Variants in ADGRL2 observed in about 807,000 individuals in gnomAD.
ADGRL2 encodes the protein adhesion G protein-coupled receptor L2.
Under a neutral mutation model 157.4 loss-of-function variants are expected in ADGRL2, and 44 were observed. The observed-to-expected ratio is 0.28, with a 90% CI of 0.22 to 0.36. The LOEUF (loss-of-function observed/expected upper bound fraction) is 0.36, where lower values mean the gene tolerates loss of function less well. Among genes scored for constraint, ADGRL2 ranks in the 10% least tolerant of loss-of-function variants. ADGRL2 has a pLI of 1.00. For missense variants in ADGRL2, 1,510 were observed against 1,768.9 expected (o/e 0.85, Z 2.63); for synonymous variants, 585 against 624.7 (o/e 0.94, Z 0.95).
At chr1:81,680,130 C>T (rs1028266791) in intron 3 of ADGRL2, among the ~76,000 whole-genome samples, 1 of 152,282 alleles carries the variant, frequency 6.6e-6, no homozygotes. Flanking sequence ...CCTTGGGCTC[C>T]TACAGTGAAT....
chr1:81,710,603 G>A (rs2083893227), intron 1 of ADGRL2, among the ~76,000 whole-genome samples: 2 of 140,120 alleles, frequency 1.4e-5, no homozygotes, highest in South Asian at 4.6e-4. Flanking sequence ...CTGGGTGACA[G>A]AGAGAGACTC....
intron 2 of ADGRL2, among the ~76,000 whole-genome samples, chr1:81,767,780 G>C (rs2086189984): frequency 6.7e-6 from 1 of 150,030 alleles, no homozygotes; most frequent in African/African-American, 2.5e-5. Context: ...GCTGAGGTGA[G>C]AGGGACAATG....
chr1:81,423,663 A>T (rs982351222), intron 1 of ADGRL2, among the ~76,000 whole-genome samples: 1 of 152,228 alleles, frequency 6.6e-6, no homozygotes, highest in East Asian at 1.9e-4. Context: ...TTCCCTAATA[A>T]TGTTATACAC....
chr1:81,922,989 A>T (rs1433414020), intron 3 of ADGRL2, among the ~76,000 whole-genome samples: 1 of 151,868 alleles, frequency 6.6e-6, no homozygotes, highest in Non-Finnish European at 1.5e-5. Context: ...TGCTTTTGTG[A>T]CTGAGATGCA....
intron 2 of ADGRL2, among the ~76,000 whole-genome samples, chr1:81,546,501 A>T (rs748239192): frequency 6.6e-6 from 1 of 152,218 alleles, no homozygotes; most frequent in Non-Finnish European, 1.5e-5. Context: ...GCATAATAAT[A>T]ATGATAAATT....
chr1:81,837,406 T>C (rs939441845), intron 2 of ADGRL2, among the ~76,000 whole-genome samples: 8 of 152,062 alleles, frequency 5.3e-5, no homozygotes, highest in African/African-American at 1.9e-4. Flanking sequence ...ATTTTCATCT[T>C]TAGTTACATT....
chr1:81,589,850 C>G (rs1363108119), intron 3 of ADGRL2, among the ~76,000 whole-genome samples: 6 of 152,192 alleles, frequency 3.9e-5, no homozygotes, highest in Admixed American at 3.9e-4. Context: ...CAACCTCTAA[C>G]TGGCTCATGC....
intron 3 of ADGRL2, among the ~76,000 whole-genome samples, chr1:81,694,754 A>G (rs72718817): frequency 0.018 from 2,683 of 152,234 alleles, 33 homozygotes; most frequent in South Asian, 0.054. Flanking sequence ...CATTGTAATG[A>G]ATTACTGTAA....
Position 81,984,610 on chromosome 1 carries a change from A to G in ADGRL2, c.3310A>G (p.Arg1104Gly). The change falls in exon 20 of 24, where the codon AGA (arginine) becomes GGA (glycine). Residue 1104 changes from arginine (R) to glycine (G), a missense_variant. Physicochemically the swap from Arg to Gly is moderately radical, Grantham distance 125. Coordinates refer to ENST00000686636, the MANE Select transcript of ADGRL2 (RefSeq NM_001366006.2). Reference sequence around the variant, plus strand: ...ACGAAAAGAATATGGCAAGTGCTTCAGACACTCATACTGCTGTGGAGGCCT... The same window carrying G: ...ACGAAAAGAATATGGCAAGTGCTTCGGACACTCATACTGCTGTGGAGGCCT... ...KVRKEYGKCF[R>G]HSYCCGGLPT... 6.2e-7 allele frequency: 1 copy of G among 1,611,616 alleles called. No homozygotes were observed. The highest frequency in any genetic ancestry group is 1.3e-5 in the African/African-American group (1 of 74,924).
intron 4 of ADGRL2, among the ~76,000 whole-genome samples, chr1:81,938,199 C>T (rs1402906798): frequency 6.6e-6 from 1 of 151,638 alleles, no homozygotes; most frequent in Non-Finnish European, 1.5e-5. Flanking sequence ...ACTAGAGGAA[C>T]ATTGTATTCT....
At chr1:81,722,153 A>G (rs1024053838) in intron 1 of ADGRL2, 3 of 363,914 alleles carry the variant, frequency 8.2e-6, no homozygotes, top group Non-Finnish European at 1.6e-5. Context: ...ATTAGCCGGG[A>G]GCGGTGGCAG....
At chr1:81,967,292 C>G (rs181210297) in intron 13 of ADGRL2, among the ~76,000 whole-genome samples, 1 of 149,146 alleles carries the variant, frequency 6.7e-6, no homozygotes, top group East Asian at 2.0e-4. Context: ...GACAGAGTCT[C>G]GCTCTGTTGC....
At chr1:81,885,765 A>G (rs1427959478) in intron 2 of ADGRL2, among the ~76,000 whole-genome samples, 1 of 152,180 alleles carries the variant, frequency 6.6e-6, no homozygotes, top group Non-Finnish European at 1.5e-5. Flanking sequence ...ATTATTTACT[A>G]CTTGAAAATC....
At chr1:81,746,867 C>T (rs559347797) in intron 1 of ADGRL2, among the ~76,000 whole-genome samples, 16 of 149,990 alleles carry the variant, frequency 1.1e-4, no homozygotes, top group African/African-American at 3.4e-4. Context: ...CACGTATACA[C>T]GTATATACAC....
chr1:81,358,663 T>C (rs1338829587), intron 1 of ADGRL2, among the ~76,000 whole-genome samples: 1 of 152,152 alleles, frequency 6.6e-6, no homozygotes, highest in African/African-American at 2.4e-5. Context: ...TTTTTTCATC[T>C]TGCACTGTAG....
chr1:81,624,872 A>C (rs1018709362), intron 3 of ADGRL2, among the ~76,000 whole-genome samples: 2 of 152,178 alleles, frequency 1.3e-5, no homozygotes, highest in Non-Finnish European at 2.9e-5. Context: ...GAATGAGACA[A>C]GCATTGAGTT....
chr1:81,740,742 T>C (rs1313162843), intron 1 of ADGRL2, among the ~76,000 whole-genome samples: 2 of 152,150 alleles, frequency 1.3e-5, no homozygotes, highest in Non-Finnish European at 2.9e-5. Flanking sequence ...CTCCTCTACA[T>C]TATCTCCACA....
chr1:81,534,926 A>T (rs866289404), intron 2 of ADGRL2, among the ~76,000 whole-genome samples: 1 of 152,310 alleles, frequency 6.6e-6, no homozygotes, highest in South Asian at 2.1e-4. Context: ...CTAGGTGAAT[A>T]TTGTGATTTT....
At chr1:81,751,006 T>C (rs1486537238) in intron 1 of ADGRL2, among the ~76,000 whole-genome samples, 1 of 152,046 alleles carries the variant, frequency 6.6e-6, no homozygotes, top group Non-Finnish European at 1.5e-5. Context: ...CTTAGAGAAA[T>C]AGCTGATTCC....
Sources: allele counts gnomAD v4.1 joint callset (sites outside exome capture counted in the v4.1 genomes callset), GRCh38; gene constraint gnomAD v4.1.1; transcripts MANE v1.5; gene names NCBI Gene and HGNC (gene_info 2026-07-23, HGNC 2026-07-21).